Variants in ARHGEF4 observed in about 807,000 individuals in gnomAD.
ARHGEF4 encodes Rho guanine nucleotide exchange factor 4.
Under a neutral mutation model 162.0 loss-of-function variants are expected in ARHGEF4, and 119 were observed. The ratio of observed to expected loss-of-function variants is 0.73; its 90% confidence interval spans 0.63 to 0.86. ARHGEF4 has a LOEUF of 0.86. Among genes scored for constraint, ARHGEF4 ranks in the 40% least tolerant of loss-of-function variants. ARHGEF4 has a pLI of 0.00. For synonymous variants in ARHGEF4, 1,014 were observed against 979.9 expected (o/e 1.03, Z -0.65); for missense variants, 2,488 against 2,456.0 (o/e 1.01, Z -0.28).
At chr2:130,839,779 T>A (rs909827199) in intron 1 of ARHGEF4, among the ~76,000 whole-genome samples, 6 of 152,154 alleles carry the variant, frequency 3.9e-5, no homozygotes, top group African/African-American at 1.4e-4. Context: ...TTCAAAATGT[T>A]CCAGACAGCT....
At chr2:130,937,241 G>A (rs900492501) in intron 3 of ARHGEF4, among the ~76,000 whole-genome samples, 1 of 151,838 alleles carries the variant, frequency 6.6e-6, no homozygotes, top group East Asian at 1.9e-4. Flanking sequence ...TTCCATTATA[G>A]GTATGTTGGT....
intron 1 of ARHGEF4, among the ~76,000 whole-genome samples, chr2:130,897,479 G>A (rs202213012): frequency 1.6e-4 from 15 of 94,412 alleles, no homozygotes; most frequent in Admixed American, 1.6e-3. Context: ...ACTGGCTTCC[G>A]GGGGTAATGT....
chr2:130,936,047 G>A (rs561409965), intron 3 of ARHGEF4, among the ~76,000 whole-genome samples: 3 of 152,140 alleles, frequency 2.0e-5, no homozygotes, highest in Non-Finnish European at 2.9e-5. Context: ...CCTGGGCAAC[G>A]AGAGTGAAAC....
At chr2:130,936,558 G>C (rs1682953670) in intron 3 of ARHGEF4, among the ~76,000 whole-genome samples, 1 of 152,056 alleles carries the variant, frequency 6.6e-6, no homozygotes, top group African/African-American at 2.4e-5. Flanking sequence ...TATAACTTCT[G>C]CTGAACCTTT....
chr2:131,040,949 G>T (rs891716426), intron 8 of ARHGEF4, among the ~76,000 whole-genome samples: 1 of 151,346 alleles, frequency 6.6e-6, no homozygotes, highest in Admixed American at 6.6e-5. Flanking sequence ...CCCTACCACC[G>T]CCGCTTTTGG....
intron 4 of ARHGEF4, among the ~76,000 whole-genome samples, chr2:131,015,154 G>T (rs537837134): frequency 1.3e-5 from 2 of 152,162 alleles, no homozygotes; most frequent in African/African-American, 4.8e-5. Context: ...GGAGACGAAG[G>T]AGCCTGAGAG....
At chr2:131,011,374 C>A (rs1458421420) in intron 4 of ARHGEF4, among the ~76,000 whole-genome samples, 3 of 152,072 alleles carry the variant, frequency 2.0e-5, no homozygotes, top group Non-Finnish European at 4.4e-5. Flanking sequence ...ATAAAAGTAG[C>A]CTTTAGCAAA....
intron 4 of ARHGEF4, among the ~76,000 whole-genome samples, chr2:131,008,051 A>G (rs1295510255): frequency 6.6e-5 from 10 of 152,050 alleles, no homozygotes; most frequent in South Asian, 2.1e-4. Context: ...GACCTCAGGT[A>G]ATCCACCAGC....
chr2:130,965,627 C>G (rs1241564813), intron 4 of ARHGEF4, among the ~76,000 whole-genome samples: 1 of 152,168 alleles, frequency 6.6e-6, no homozygotes, highest in Non-Finnish European at 1.5e-5. Context: ...TTTCCTTATT[C>G]AGACGGCTTT....
At chr2:131,028,643 C>G (rs2105370109) in intron 5 of ARHGEF4, among the ~76,000 whole-genome samples, 1 of 152,374 alleles carries the variant, frequency 6.6e-6, no homozygotes, top group South Asian at 2.1e-4. Flanking sequence ...TGAGTTCTCC[C>G]TTTGCATTCC....
intron 3 of ARHGEF4, among the ~76,000 whole-genome samples, chr2:130,939,495 G>T (rs1159936539): frequency 6.6e-6 from 1 of 152,086 alleles, no homozygotes; most frequent in Non-Finnish European, 1.5e-5. Flanking sequence ...TCAAAGCTAT[G>T]TACTGAGCCT....
chr2:130,982,726 C>A (rs903680217), intron 4 of ARHGEF4, among the ~76,000 whole-genome samples: 1 of 152,090 alleles, frequency 6.6e-6, no homozygotes, highest in Non-Finnish European at 1.5e-5. Flanking sequence ...AAAAATACAT[C>A]TTCATATATA....
chr2:131,035,189 T>G, intron 5 of ARHGEF4: 1 of 1,217,996 alleles, frequency 8.2e-7, no homozygotes, highest in Non-Finnish European at 1.0e-6. Flanking sequence ...GCCCAGCGCG[T>G]GGTGGTCTCC....
At chr2:130,842,842 C>T (rs1446954611) in intron 1 of ARHGEF4, among the ~76,000 whole-genome samples, 1 of 152,126 alleles carries the variant, frequency 6.6e-6, no homozygotes. Context: ...GTAAAGGGCT[C>T]CAGTTAAGTG....
At chr2:131,011,782 G>A (rs1424799583) in intron 4 of ARHGEF4, 2 of 878,918 alleles carry the variant, frequency 2.3e-6, no homozygotes, top group Admixed American at 2.0e-5. Flanking sequence ...GAGGAATGAT[G>A]TGATTTATTG....
At chr2:130,951,138 T>G (rs1364906275) in intron 4 of ARHGEF4, among the ~76,000 whole-genome samples, 3 of 152,238 alleles carry the variant, frequency 2.0e-5, no homozygotes, top group Non-Finnish European at 4.4e-5. Flanking sequence ...GATTTGATCT[T>G]CTATCTAGAC....
intron 1 of ARHGEF4, among the ~76,000 whole-genome samples, chr2:130,854,866 A>ATTTG (rs1681658023): frequency 2.7e-5 from 4 of 147,306 alleles, no homozygotes; most frequent in Admixed American, 1.3e-4. Flanking sequence ...TTATTTATTT[A>ATTTG]TTTATTTATT....
Position 131,038,975 on chromosome 2 carries a change from G to A in ARHGEF4, c.4248G>A (p.Glu1416=), listed in dbSNP as rs114893794. The change falls in exon 6 of 14, where the codon GAG becomes GAA. Residue 1416 remains glutamate (E), a synonymous_variant. Transcript: ENST00000409359. ...VIEVMDATNR[E]WWWGRVADGE... ...AAGTGATGGATGCCACCAACAGAGAGTGGTGGTGGGGCCGGGTCGCCGATG... is the reference window on the plus strand; with the variant it reads ...AAGTGATGGATGCCACCAACAGAGAATGGTGGTGGGGCCGGGTCGCCGATG... 1.1e-3 allele frequency: 1,734 copies of A among 1,613,738 alleles called. 15 individuals are homozygous for A. The African/African-American group carries it at 0.019, about 18-fold the overall frequency.
chr2:130,892,188 C>A (rs34700621), intron 1 of ARHGEF4, among the ~76,000 whole-genome samples: 2 of 152,146 alleles, frequency 1.3e-5, no homozygotes, highest in East Asian at 3.9e-4. Context: ...AGCACTCAGC[C>A]TTGACCTAGT....
Sources: gnomAD v4.1 joint callset for allele counts (sites outside exome capture counted in the v4.1 genomes callset) on GRCh38, gnomAD v4.1.1 for gene constraint, MANE v1.5 for transcripts, NCBI Gene and HGNC (gene_info 2026-07-23, HGNC 2026-07-21) for gene names.